The following SLIT3 variants were observed in gnomAD, a reference collection of about 807,000 sequenced individuals.
SLIT3 encodes slit guidance ligand 3, also known as slit homolog 3 protein.
In SLIT3, 68 loss-of-function variants were observed where a neutral mutation model predicts 184.0. The observed-to-expected ratio is 0.37, with a 90% CI of 0.30 to 0.45. The LOEUF (loss-of-function observed/expected upper bound fraction) is 0.45. SLIT3 is among the 20% of genes least tolerant of loss of function. SLIT3 has a pLI of 1.00. For missense variants in SLIT3, 1,707 were observed against 2,026.0 expected (o/e 0.84, Z 3.02); for synonymous variants, 831 against 828.6 (o/e 1.00, Z -0.05).
intron 14 of SLIT3, among the ~76,000 whole-genome samples, chr5:168,763,608 C>G (rs1485733334): frequency 6.6e-6 from 1 of 152,114 alleles, no homozygotes. Flanking sequence ...ATGGGACCAA[C>G]AACGTGGTGT....
intron 4 of SLIT3, among the ~76,000 whole-genome samples, chr5:168,995,002 G>A (rs1257278031): frequency 6.6e-6 from 1 of 152,090 alleles, no homozygotes; most frequent in Non-Finnish European, 1.5e-5. Context: ...TATGAAGTTA[G>A]GAGCTATTAT....
chr5:168,795,438 C>T, intron 10 of SLIT3, 69 bp downstream of exon 10: 1 of 1,183,138 alleles, frequency 8.5e-7, no homozygotes, highest in Non-Finnish European at 1.3e-6. Context: ...ACAGGTTGCC[C>T]ACTACACATT....
At chr5:168,842,469 GT>G (rs778998998) in intron 6 of SLIT3, among the ~76,000 whole-genome samples, 83 of 88,068 alleles carry the variant, frequency 9.4e-4, no homozygotes, top group East Asian at 3.3e-3. Flanking sequence ...CCGTTTTTTC[GT>G]TTTTTTTTTT....
intron 14 of SLIT3, chr5:168,772,324 GT>G (rs1308442132): frequency 1.1e-5 from 2 of 179,552 alleles, no homozygotes; most frequent in Non-Finnish European, 2.4e-5. Context: ...CTGTACCATG[GT>G]CTGTCTCCGA....
intron 4 of SLIT3, among the ~76,000 whole-genome samples, chr5:169,096,639 G>A (rs1759796383): frequency 6.6e-6 from 1 of 152,188 alleles, no homozygotes; most frequent in African/African-American, 2.4e-5. Flanking sequence ...GTACATCTAT[G>A]TTTTATGGAT....
At chr5:168,917,427 A>C (rs1447972065) in intron 4 of SLIT3, among the ~76,000 whole-genome samples, 1 of 152,212 alleles carries the variant, frequency 6.6e-6, no homozygotes, top group Non-Finnish European at 1.5e-5. Flanking sequence ...GCATGGAAAG[A>C]ACTGGTCCCC....
At chr5:169,031,012 C>T (rs1371542675) in intron 4 of SLIT3, among the ~76,000 whole-genome samples, 3 of 152,198 alleles carry the variant, frequency 2.0e-5, no homozygotes, top group African/African-American at 7.2e-5. Context: ...TAACTAAAAG[C>T]TTTCCTCTCC....
chr5:168,753,224 T>C (rs1754780093), intron 17 of SLIT3, 126 bp from the exon 18 acceptor site: 4 of 988,842 alleles, frequency 4.0e-6, no homozygotes, highest in Non-Finnish European at 6.0e-6. Context: ...AGTCCAGCCA[T>C]GTTGATCAGG....
intron 3 of SLIT3, among the ~76,000 whole-genome samples, chr5:169,241,441 T>G (rs371790705): frequency 1.3e-5 from 2 of 152,130 alleles, no homozygotes; most frequent in East Asian, 3.8e-4. Flanking sequence ...AATTCTTTGT[T>G]GTAGGGCCGT....
chr5:168,950,984 G>A (rs1387201728), intron 4 of SLIT3, among the ~76,000 whole-genome samples: 1 of 152,240 alleles, frequency 6.6e-6, no homozygotes, highest in Non-Finnish European at 1.5e-5. Flanking sequence ...ACTTTGGGAG[G>A]CCAAGGCTGG....
chr5:169,296,671 T>C (rs1484985987), intron 1 of SLIT3, among the ~76,000 whole-genome samples: 1 of 152,140 alleles, frequency 6.6e-6, no homozygotes, highest in Non-Finnish European at 1.5e-5. Context: ...GCCTATGACA[T>C]GGTGTCAGTT....
intron 3 of SLIT3, among the ~76,000 whole-genome samples, chr5:169,211,983 T>C (rs902287715): frequency 3.3e-5 from 5 of 152,176 alleles, no homozygotes; most frequent in African/African-American, 9.6e-5. Context: ...TATGGCTGCA[T>C]AGTATTCCAT....
intron 1 of SLIT3, among the ~76,000 whole-genome samples, chr5:169,299,867 CG>C (rs1251194768): frequency 6.6e-6 from 1 of 151,832 alleles, no homozygotes; most frequent in East Asian, 1.9e-4. Context: ...CCCCTTCGTT[CG>C]GGGAGGCATT....
intron 4 of SLIT3, among the ~76,000 whole-genome samples, chr5:169,046,313 C>T (rs778703665): frequency 3.9e-5 from 6 of 152,150 alleles, no homozygotes; most frequent in Non-Finnish European, 8.8e-5. Context: ...GCAAAGATCG[C>T]AGCACTAGTT....
intron 1 of SLIT3, among the ~76,000 whole-genome samples, chr5:169,264,318 C>T (rs112709329): frequency 3.9e-5 from 6 of 152,178 alleles, no homozygotes; most frequent in East Asian, 1.9e-4. Context: ...CTCAGCCTCC[C>T]GAGTAGCTGG....
chr5:168,675,166 C>G (rs1761369316), intron 32 of SLIT3, among the ~76,000 whole-genome samples: 1 of 152,120 alleles, frequency 6.6e-6, no homozygotes, highest in South Asian at 2.1e-4. Flanking sequence ...CTGAAGCTCT[C>G]TGAGGAGTAG....
intron 3 of SLIT3, among the ~76,000 whole-genome samples, chr5:169,243,449 C>T (rs1004169796): frequency 1.3e-5 from 2 of 151,984 alleles, no homozygotes; most frequent in Non-Finnish European, 2.9e-5. Flanking sequence ...AATTATTTTC[C>T]CTTGCAAGAA....
intron 4 of SLIT3, among the ~76,000 whole-genome samples, chr5:168,925,630 T>C (rs1761794344): frequency 6.7e-6 from 1 of 150,240 alleles, no homozygotes; most frequent in Non-Finnish European, 1.5e-5. Context: ...CCACAGTGGA[T>C]ATTGAGTAAG....
intron 3 of SLIT3, among the ~76,000 whole-genome samples, chr5:169,202,225 C>A (rs1234584454): frequency 6.6e-6 from 1 of 151,440 alleles, no homozygotes; most frequent in African/African-American, 2.4e-5. Flanking sequence ...GAACAAGAGC[C>A]TATTTCAAAA....
Sources: allele counts gnomAD v4.1 joint callset (sites outside exome capture counted in the v4.1 genomes callset), GRCh38; gene constraint gnomAD v4.1.1; transcripts MANE v1.5; gene names NCBI Gene and HGNC (gene_info 2026-07-23, HGNC 2026-07-21).